Variants in ARID5B observed in about 807,000 individuals in gnomAD.
The protein encoded by ARID5B is AT-rich interaction domain 5B.
In ARID5B, 13 loss-of-function variants were observed where a neutral mutation model predicts 97.2. The ratio of observed to expected loss-of-function variants is 0.13; its 90% confidence interval spans 0.09 to 0.21. ARID5B has a LOEUF of 0.21. ARID5B is among the 10% of genes least tolerant of loss of function. The probability of loss-of-function intolerance (pLI) is 1.00; values close to 1 mark genes in which losing one functional copy is unlikely to be tolerated. For synonymous variants in ARID5B, 556 were observed against 570.3 expected, an observed-to-expected ratio of 0.97 and a Z score of 0.36; for missense variants, 1,210 against 1,465.3, an observed-to-expected ratio of 0.83 and a Z score of 2.84.
intron 4 of ARID5B, among the ~76,000 whole-genome samples, chr10:62,012,540 A>G (rs1407175131): frequency 2.0e-5 from 3 of 152,168 alleles, no homozygotes; most frequent in Non-Finnish European, 4.4e-5. Flanking sequence ...GTCTCTATTA[A>G]AAAACAAAGA....
Position 62,085,899 on chromosome 10 carries a change from A to T in ARID5B, c.1397A>T (p.Glu466Val). 2 of 1,609,908 alleles carry T rather than the reference A, an allele frequency of 1.2e-6. No homozygotes were observed. The highest frequency in any genetic ancestry group is 1.7e-6 in the Non-Finnish European group (2 of 1,179,082). Residue 466 changes from glutamate to valine, a missense_variant and splice_region_variant, in exon 9 of 10, where the codon GAG (glutamate) becomes GTG (valine). This residue lies in a region of ARID5B where 800 missense variants were observed against 839.1 expected (regional missense o/e 0.95). Transcript: ENST00000279873. ...ENAPKPQDAA[E>V]VSSEQEKEQE... ...GCCCCAAAGCCCCAGGATGCAGCAGAGGTGAGTTGCTTTGCTCCATAGAAA... is the reference window on the plus strand; with the variant it reads ...GCCCCAAAGCCCCAGGATGCAGCAGTGGTGAGTTGCTTTGCTCCATAGAAA...
intron 8 of ARID5B, among the ~76,000 whole-genome samples, chr10:62,074,990 T>C (rs1339423518): frequency 6.6e-6 from 1 of 152,270 alleles, no homozygotes; most frequent in Non-Finnish European, 1.5e-5. Context: ...TTCATTTTTA[T>C]GGTTGTTTAC....
intron 3 of ARID5B, among the ~76,000 whole-genome samples, chr10:61,946,853 G>A (rs1838245158): frequency 6.6e-6 from 1 of 152,114 alleles, no homozygotes; most frequent in Non-Finnish European, 1.5e-5. Flanking sequence ...CCCAGGAGGA[G>A]GAGGTTGTAG....
chr10:62,023,469 C>T (rs1839381200), intron 4 of ARID5B, among the ~76,000 whole-genome samples: 1 of 152,134 alleles, frequency 6.6e-6, no homozygotes, highest in Non-Finnish European at 1.5e-5. Context: ...CACATGTGAG[C>T]AGGTCACTGC....
intron 8 of ARID5B, among the ~76,000 whole-genome samples, chr10:62,078,845 C>G (rs1404945683): frequency 6.6e-6 from 1 of 152,148 alleles, no homozygotes; most frequent in East Asian, 1.9e-4. Flanking sequence ...AGATTAAGTC[C>G]TAGAGGCTGG....
chr10:61,964,161 G>T (rs1478456515), intron 3 of ARID5B, among the ~76,000 whole-genome samples: 3 of 152,110 alleles, frequency 2.0e-5, no homozygotes, highest in Non-Finnish European at 4.4e-5. Flanking sequence ...TCAGGGCCAC[G>T]ATAGCAGCCA....
chr10:61,948,400 T>TTTTTTTTTTG (rs60287429), intron 3 of ARID5B, among the ~76,000 whole-genome samples: 3 of 147,672 alleles, frequency 2.0e-5, no homozygotes, highest in East Asian at 2.0e-4. Flanking sequence ...TTTTTTTTTT[T>TTTTTTTTTTG]GAGATGGAGT....
chr10:61,917,396 G>A (rs578145783), intron 2 of ARID5B, among the ~76,000 whole-genome samples: 18 of 151,832 alleles, frequency 1.2e-4, no homozygotes, highest in East Asian at 7.8e-4. Flanking sequence ...ATGCCATCTC[G>A]GCTCACTGCA....
chr10:62,010,664 G>A, intron 4 of ARID5B, among the ~76,000 whole-genome samples: 1 of 152,148 alleles, frequency 6.6e-6, no homozygotes, highest in South Asian at 2.1e-4. Context: ...TTCGTAATCT[G>A]GTCAGTGTCT....
chr10:61,980,244 C>T (rs1285151699), intron 3 of ARID5B, among the ~76,000 whole-genome samples: 1 of 152,194 alleles, frequency 6.6e-6, no homozygotes, highest in Admixed American at 6.5e-5. Context: ...AAGCCACAGG[C>T]AGTGCTGTCT....
chr10:61,931,092 A>C (rs1207789562), intron 2 of ARID5B, among the ~76,000 whole-genome samples: 5 of 152,180 alleles, frequency 3.3e-5, no homozygotes, highest in African/African-American at 9.7e-5. Flanking sequence ...AAGAAGTTAA[A>C]GAAATTGAAG....
chr10:61,992,095 G>A (rs940124647), intron 3 of ARID5B, among the ~76,000 whole-genome samples: 3 of 152,068 alleles, frequency 2.0e-5, no homozygotes, highest in Non-Finnish European at 4.4e-5. Context: ...GGGGAAGCAA[G>A]TTAAGGTAAG....
Position 62,069,713 on chromosome 10 carries a change from G to A in ARID5B, c.1115G>A (p.Arg372His). ...CCATTTTTTCAGATAACAGCCCGCC[G>A]TCAGTGGAAACATATTTATGATGAA... ...LGGYETITAR[R>H]QWKHIYDELG... Residue 372 changes from arginine (R) to histidine (H), a missense_variant, in exon 8 of 10, where the codon CGT becomes CAT. This residue lies in a region of ARID5B where 59 missense variants were observed against 156.7 expected (regional missense o/e 0.38). Coordinates refer to ENST00000279873, the MANE Select transcript of ARID5B (RefSeq NM_032199.3). 2 of 1,614,080 alleles carry A rather than the reference G, an allele frequency of 1.2e-6. No homozygotes were observed. The highest frequency in any genetic ancestry group is 1.7e-6 in the Non-Finnish European group (2 of 1,179,968).
rs141445109 is a variant in ARID5B, at chr10:62,090,668, C to T, written c.1399-194C>T. On this transcript the variant is annotated intron_variant, in intron 9 of 9. Coordinates refer to ENST00000279873, the MANE Select transcript of ARID5B (RefSeq NM_032199.3). ...GGACTGAAGCGAATATGCATATTTC[C>T]CCTAATGTTTCTGTAATTTAGATTT... Among the ~76,000 whole-genome samples the T allele has an allele frequency of 2.1e-3, 313 of 152,210 alleles. 3 individuals are homozygous for T. Among genetic ancestry groups the T allele is most frequent in the African/African-American group, 7.4e-3 (308 of 41,518 alleles).
chr10:61,998,722 G>T (rs1015564933), intron 3 of ARID5B, among the ~76,000 whole-genome samples: 7 of 152,170 alleles, frequency 4.6e-5, no homozygotes, highest in Admixed American at 4.6e-4. Flanking sequence ...TCCCAGCATG[G>T]TTCTCTGAGG....
intron 5 of ARID5B, among the ~76,000 whole-genome samples, chr10:62,055,566 T>A (rs1033166234): frequency 2.6e-5 from 4 of 152,142 alleles, no homozygotes; most frequent in African/African-American, 9.7e-5. Context: ...AGCCTAAAAT[T>A]TGGCAGTGAA....
chr10:61,962,054 G>A (rs188793404), intron 3 of ARID5B, among the ~76,000 whole-genome samples: 5 of 152,198 alleles, frequency 3.3e-5, no homozygotes, highest in Admixed American at 2.6e-4. Context: ...CGGCCTTCTC[G>A]GCAATTTCTG....
At chr10:62,027,122 C>T (rs866047913) in intron 4 of ARID5B, among the ~76,000 whole-genome samples, 2 of 151,854 alleles carry the variant, frequency 1.3e-5, no homozygotes, top group Non-Finnish European at 2.9e-5. Context: ...AGGAAACAGT[C>T]TTGTTTTCCT....
chr10:61,918,547 G>A (rs1450137988), intron 2 of ARID5B, among the ~76,000 whole-genome samples: 2 of 152,070 alleles, frequency 1.3e-5, no homozygotes, highest in Admixed American at 6.5e-5. Context: ...TTGAGATATT[G>A]GACTATTATT....
Sources: gnomAD v4.1 joint callset for allele counts (sites outside exome capture counted in the v4.1 genomes callset) on GRCh38, gnomAD v4.1.1 for gene constraint, gnomAD v4.1.1 regional missense constraint, MANE v1.5 for transcripts, NCBI Gene and HGNC (gene_info 2026-07-23, HGNC 2026-07-21) for gene names.